PCDHGB3: variants seen among roughly 807,000 people sequenced by gnomAD.
The protein encoded by PCDHGB3 is protocadherin gamma subfamily B, 3.
PCDHGB3 carries 40 observed loss-of-function variants against 59.2 expected under a neutral mutation model. The ratio of observed to expected loss-of-function variants is 0.68; its 90% confidence interval spans 0.52 to 0.88. The LOEUF is 0.88. PCDHGB3 is among the 40% of genes least tolerant of loss of function. PCDHGB3 has a pLI of 0.00. For synonymous variants in PCDHGB3, 581 were observed against 503.6 expected (o/e 1.15, Z -2.06); for missense variants, 1,309 against 1,187.9 (o/e 1.10, Z -1.50).
At chr5:141,428,097 C>T (rs2097109296) in intron 1 of PCDHGB3, 2 of 1,608,758 alleles carry the variant, frequency 1.2e-6, no homozygotes, top group African/African-American at 1.3e-5. Flanking sequence ...GCTGTCCTAC[C>T]ACGTGCTGCA....
intron 1 of PCDHGB3, chr5:141,403,720 C>G (rs1266419119): frequency 1.2e-6 from 2 of 1,613,874 alleles, no homozygotes; most frequent in Middle Eastern, 1.6e-4. Context: ...AGAACGTGCC[C>G]CCAGGCACCT....
At chr5:141,394,168 T>G in intron 1 of PCDHGB3, 1 of 1,613,752 alleles carries the variant, frequency 6.2e-7, no homozygotes, top group Non-Finnish European at 8.5e-7. Flanking sequence ...CCTCCTACTT[T>G]CCCTCATGCC....
intron 1 of PCDHGB3, chr5:141,430,556 C>A (rs1479639096): frequency 9.7e-6 from 4 of 413,394 alleles, no homozygotes; most frequent in African/African-American, 2.1e-5. Flanking sequence ...GTTCACCAAT[C>A]GGGGAGAGAA....
At chr5:141,424,078 T>C in intron 1 of PCDHGB3, 1 of 975,828 alleles carries the variant, frequency 1.0e-6, no homozygotes, top group South Asian at 4.8e-5. Context: ...GTAGTTATAT[T>C]CCACCATTAT....
At chr5:141,455,911 ATTTT>A (rs1404284843) in intron 1 of PCDHGB3, among the ~76,000 whole-genome samples, 2 of 114,614 alleles carry the variant, frequency 1.7e-5, no homozygotes, top group African/African-American at 3.3e-5. Context: ...TTATTTATTT[ATTTT>A]GAGACGGAGT....
rs1356149825 is a variant in PCDHGB3 at position 141,371,391 on chromosome 5, G to A, written c.997G>A (p.Val333Ile). Residue 333 changes from valine (V) to isoleucine (I), a missense_variant, in exon 1 of 4, where the codon GTA (valine) becomes ATA (isoleucine). Val to Ile is a conservative substitution (Grantham distance 29). Transcript: ENST00000576222. ...TGGACATCACACTGCATATTGTAAA[G>A]TACAGATAGATATTTCAGATGAAAA... ...DGGHHTAYCK[V>I]QIDISDENDN... The A allele has an allele frequency of 6.2e-7, 1 of 1,614,004 alleles. No homozygotes were observed. Among genetic ancestry groups the A allele is most frequent in the Admixed American group, 1.7e-5 (1 of 60,028 alleles).
chr5:141,409,304 C>T, intron 1 of PCDHGB3: 2 of 1,613,954 alleles, frequency 1.2e-6, no homozygotes, highest in Non-Finnish European at 1.7e-6. Flanking sequence ...GGTTGTTGCC[C>T]TCTTCAAAAC....
At position 141,486,418 on chromosome 5, in the gene PCDHGB3, A is replaced by G. The variant is rs1174910867; in HGVS notation, c.2416-8389A>G. On this transcript the variant is annotated intron_variant, in intron 1 of 3. Transcript: ENST00000576222. This position sits in a 1 kb window ranked among gnomAD's most constrained non-coding sequence, Gnocchi z 5.0. ...TGGTGACTGCTGGACCCTTGGATCG[A>G]GAGGCCAAATCTAGCTATGACATCA... is the stretch of plus-strand genomic sequence containing the variant. The G allele has an allele frequency of 3.7e-6, 6 of 1,614,176 alleles. No individual in the cohort carries two copies. Among genetic ancestry groups the G allele is most frequent in the Non-Finnish European group, 5.1e-6 (6 of 1,180,020 alleles).
At chr5:141,417,826 A>T in intron 1 of PCDHGB3, 1 of 1,519,618 alleles carries the variant, frequency 6.6e-7, no homozygotes. Flanking sequence ...CTCCAACTGG[A>T]AAAGCGGGGA....
chr5:141,462,009 G>A (rs2099028674), intron 1 of PCDHGB3, among the ~76,000 whole-genome samples: 1 of 152,190 alleles, frequency 6.6e-6, no homozygotes, highest in Admixed American at 6.5e-5. Context: ...TTTTAATAGA[G>A]ACGGGGTTTC....
At chr5:141,450,986 G>A (rs950903600) in intron 1 of PCDHGB3, among the ~76,000 whole-genome samples, 15 of 151,310 alleles carry the variant, frequency 9.9e-5, no homozygotes, top group Non-Finnish European at 1.3e-4. Context: ...CACCACACCC[G>A]GCTAATTTTT....
At chr5:141,414,313 T>C in intron 1 of PCDHGB3, 1 of 1,613,748 alleles carries the variant, frequency 6.2e-7, no homozygotes, top group Non-Finnish European at 8.5e-7. Context: ...TGATTTAGAC[T>C]CTGAGCAGAA....
At chr5:141,439,947 T>C (rs2098140958) in intron 1 of PCDHGB3, 1 of 152,516 alleles carries the variant, frequency 6.6e-6, no homozygotes, top group Non-Finnish European at 1.5e-5. Flanking sequence ...TTCTCTATGA[T>C]GCAGATCCGT....
chr5:141,376,155 T>C, intron 1 of PCDHGB3: 1 of 1,614,062 alleles, frequency 6.2e-7, no homozygotes, highest in Non-Finnish European at 8.5e-7. Context: ...GACCTCACTC[T>C]GTACCTGGTG....
chr5:141,384,674 T>C (rs748841666), intron 1 of PCDHGB3: 9 of 1,614,038 alleles, frequency 5.6e-6, no homozygotes, highest in Non-Finnish European at 8.5e-7. Context: ...ACCAAGGTGG[T>C]GGCGGTGGAC....
At chr5:141,422,597 C>T in intron 1 of PCDHGB3, 1 of 1,614,102 alleles carries the variant, frequency 6.2e-7, no homozygotes, top group Non-Finnish European at 8.5e-7. Context: ...CCTCACTCCT[C>T]TTACTCTGCC....
intron 1 of PCDHGB3, chr5:141,399,984 A>C (rs1310810422): frequency 1.2e-6 from 2 of 1,612,296 alleles, no homozygotes; most frequent in Non-Finnish European, 8.5e-7. Context: ...GGCTGCGCAC[A>C]GGAGAGGTGC....
At chr5:141,389,118 C>T in intron 1 of PCDHGB3, 1 of 1,614,006 alleles carries the variant, frequency 6.2e-7, no homozygotes, top group Non-Finnish European at 8.5e-7. Context: ...AGACCGCGAG[C>T]AGAATCCAGA....
At chr5:141,503,598 CAAAAAAA>C (rs765754054) in intron 2 of PCDHGB3, among the ~76,000 whole-genome samples, 8 of 65,766 alleles carry the variant, frequency 1.2e-4, no homozygotes, top group South Asian at 1.1e-3. Context: ...GACTCCAGCT[CAAAAAAA>C]AAAAAAAAAG....
Sources: gnomAD v4.1 joint callset for allele counts (sites outside exome capture counted in the v4.1 genomes callset) on GRCh38, gnomAD v4.1.1 for gene constraint, Gnocchi (gnomAD v3.1) non-coding constraint, MANE v1.5 for transcripts, NCBI Gene and HGNC (gene_info 2026-07-23, HGNC 2026-07-21) for gene names.